IRX6: variants seen among roughly 807,000 people sequenced by gnomAD.
IRX6 encodes iroquois homeobox 6, also known as iroquois-class homeodomain protein IRX-6.
Under a neutral mutation model 47.7 loss-of-function variants are expected in IRX6, and 46 were observed. That is an observed-to-expected ratio of 0.96 (90% CI 0.76 to 1.23). IRX6 has a LOEUF of 1.23. Ranked by LOEUF, IRX6 falls within the 50% of genes most tolerant of loss-of-function variation. The pLI is 0.00. For missense variants in IRX6, 722 were observed against 588.0 expected (o/e 1.23, Z -2.36); for synonymous variants, 265 against 246.2 (o/e 1.08, Z -0.72).
In IRX6 at chr16:55,330,405, G is replaced by C; in HGVS notation, c.*100G>C. On this transcript the variant is annotated 3_prime_UTR_variant, in exon 6 of 6. Transcript: ENST00000290552. ...TGCCAGACCTTGCCAGGGACCAGGA[G>C]CTCTCACTTTGCCTAAGAGACAGAC... 1 of 1,182,304 alleles carries C rather than the reference G, an allele frequency of 8.5e-7. No homozygotes were observed. The highest frequency in any genetic ancestry group is 1.3e-6 in the Non-Finnish European group (1 of 786,946). 73.2% of individuals were successfully genotyped at this position (1,182,304 alleles called of 1,614,324 possible).
rs1366529201 is a variant in IRX6 at position 55,329,054 on chromosome 16, C to G, written c.1076C>G (p.Thr359Arg). 6.2e-7 allele frequency: 1 copy of G among 1,614,072 alleles called. No individual in the cohort carries two copies. Among genetic ancestry groups the G allele is most frequent in the South Asian group, 1.1e-5 (1 of 91,078 alleles). Residue 359 changes from threonine to arginine, a missense_variant, in exon 5 of 6, where the codon ACA becomes AGA. Thr to Arg is a moderately conservative substitution (Grantham distance 71). Coordinates refer to ENST00000290552, the MANE Select transcript of IRX6 (RefSeq NM_024335.3). ...PRIWSLAHTA[T>R]ASAVEGAPPA... ...ATCTGGTCTCTGGCGCACACCGCGA[C>G]AGCCAGCGCTGTTGAAGGTGCACCC...
Position 55,326,342 on chromosome 16 carries a change from G to T in IRX6, c.52G>T (p.Ala18Ser). ...CTCTTTCTTGCCCCTATAGTTTCTG[G>T]CGTCGGCAAGTTCCAGCACCACATG... Reference protein sequence around the residue: ...HPYRGASQFLASASSSTTCCE... With the variant: ...HPYRGASQFLSSASSSTTCCE... Residue 18 changes from alanine (A) to serine (S), a missense_variant, in exon 2 of 6, where the codon GCG becomes TCG. Transcript: ENST00000290552. 1.2e-6 allele frequency: 2 copies of T among 1,612,588 alleles called. No homozygotes were observed. The highest frequency in any genetic ancestry group is 1.1e-5 in the South Asian group (1 of 90,938).
Position 55,328,681 on chromosome 16 carries a change from C to G in IRX6, c.722-19C>G, listed in dbSNP as rs369498775. 3 of 1,609,642 alleles carry G rather than the reference C, an allele frequency of 1.9e-6. No individual in the cohort carries two copies. The highest frequency in any genetic ancestry group is 2.2e-5 in the East Asian group (1 of 44,824). Reference sequence around the variant, plus strand: ...CTTGGGCCCTGGGGCTTTTCTCACTCGCTCTTGATTTCCTGCAGAAGTTAC... The same window carrying G: ...CTTGGGCCCTGGGGCTTTTCTCACTGGCTCTTGATTTCCTGCAGAAGTTAC... On this transcript the variant is annotated intron_variant, in intron 4 of 5. Transcript: ENST00000290552.
chr16:55,330,485 G>T lies in IRX6; in HGVS notation c.*180G>T. The T allele has an allele frequency of 1.5e-6, 1 of 657,796 alleles. No homozygotes were observed. The highest frequency in any genetic ancestry group is 1.8e-5 in the South Asian group (1 of 54,432). 40.7% of individuals were successfully genotyped at this position (657,796 alleles called of 1,614,324 possible). ...GCACGCAGAGCTGGGGTGGTGGGCCGACTTGAACCTTAGCAGTCCCCACGG... is the reference window on the plus strand; with the variant it reads ...GCACGCAGAGCTGGGGTGGTGGGCCTACTTGAACCTTAGCAGTCCCCACGG... On this transcript the variant is annotated 3_prime_UTR_variant, in exon 6 of 6. Transcript: ENST00000290552.
chr16:55,328,723 CG>C lies in IRX6; in HGVS notation c.750del (p.Leu251SerfsTer3). On this transcript the variant is annotated frameshift_variant, in exon 5 of 6. Coordinates refer to ENST00000290552, the MANE Select transcript of IRX6 (RefSeq NM_024335.3). LOFTEE classifies it high-confidence loss of function. ...AGAAGTTACTGCTAGCCAGGAGGCC[CG>C]GGGGCTCCGGCTGAGTGACCTGGAA... ...TKEVTASQEA[R>X]GLRLSDLEDL... 7 of 1,613,126 alleles carry C rather than the reference CG, an allele frequency of 4.3e-6. No individual in the cohort carries two copies. Among genetic ancestry groups the C allele is most frequent in the Non-Finnish European group, 5.9e-6 (7 of 1,179,970 alleles).
At position 55,325,986 on chromosome 16, in the gene IRX6, G is replaced by A. The variant is rs377703096; in HGVS notation, c.46-350G>A. Reference sequence around the variant, plus strand: ...GTCTCTAAGGCCACCTTCTAGCTCCGCCTTTGCAGGATCCTGGGAGGAGGG... The same window carrying A: ...GTCTCTAAGGCCACCTTCTAGCTCCACCTTTGCAGGATCCTGGGAGGAGGG... On this transcript the variant is annotated intron_variant, in intron 1 of 5. Transcript: ENST00000290552. The A allele has an allele frequency of 3.0e-4, 79 of 259,952 alleles. 1 individual carries two copies. Among genetic ancestry groups the A allele is most frequent in the African/African-American group, 1.6e-3 (70 of 44,786 alleles). 16.1% of individuals were successfully genotyped at this position (259,952 alleles called of 1,614,324 possible). A position where few individuals can be genotyped will look rare whatever the true frequency, so the allele number is the denominator to read the frequency against.
chr16:55,325,507 G>T lies in IRX6; in HGVS notation c.45+371G>T, dbSNP rs1381645810. ...GGAAGGAAGGAAGGAAGGAAGGAAGGAAGGAAGGAAGGAAGGAAGGAAGGA... is the reference window on the plus strand; with the variant it reads ...GGAAGGAAGGAAGGAAGGAAGGAAGTAAGGAAGGAAGGAAGGAAGGAAGGA... On this transcript the variant is annotated intron_variant, in intron 1 of 5. Coordinates refer to ENST00000290552, the MANE Select transcript of IRX6 (RefSeq NM_024335.3). Among the ~76,000 whole-genome samples, 15 of 21,562 alleles carry T rather than the reference G, an allele frequency of 7.0e-4. 2 individuals are homozygous for T. The East Asian group carries it at 0.058, about 83-fold the overall frequency. 14.1% of individuals were successfully genotyped at this position (21,562 alleles called of 152,430 possible).
Position 55,327,290 on chromosome 16 carries a change from C to T in IRX6, c.304-6C>T, listed in dbSNP as rs1481256697. 1.9e-6 allele frequency: 3 copies of T among 1,606,398 alleles called. No individual in the cohort carries two copies. The African/African-American group carries it at 4.0e-5, about 21-fold the overall frequency. On this transcript the variant is annotated splice_region_variant and splice_polypyrimidine_tract_variant and intron_variant, in intron 2 of 5. Transcript: ENST00000290552. ...ACTCCTGAATTCTCTTTTCCTCTCC[C>T]TCTAGAATCCACAGTATGAATTTAA...
In IRX6 at chr16:55,327,825, G is replaced by A. The variant is rs778667581; in HGVS notation, c.653G>A (p.Gly218Asp). Residue 218 changes from glycine to aspartate, a missense_variant, in exon 4 of 6, where the codon GGT becomes GAT. Gly to Asp is a moderately conservative substitution (Grantham distance 94). Coordinates refer to ENST00000290552, the MANE Select transcript of IRX6 (RefSeq NM_024335.3). The part of the protein sequence containing the change: ...NKMTWAPKNK[G>D]GEERKAEGGE... ...ATGACATGGGCGCCCAAGAACAAAG[G>A]TGGGGAGGAGAGGAAGGCAGAGGGA... 11 of 1,613,150 alleles carry A rather than the reference G, an allele frequency of 6.8e-6. No individual in the cohort carries two copies. The highest frequency in any genetic ancestry group is 8.5e-6 in the Non-Finnish European group (10 of 1,179,832).
At chr16:55,329,653 A>C (rs31089) in intron 5 of IRX6, among the ~76,000 whole-genome samples, 1 of 151,968 alleles carries the variant, frequency 6.6e-6, no homozygotes, top group Non-Finnish European at 1.5e-5. Context: ...TCTAGCACAA[A>C]CGCCCTTGTC....
In IRX6 at chr16:55,324,849, C is replaced by T. The variant is rs1391249988; in HGVS notation, c.-243C>T. On this transcript the variant is annotated 5_prime_UTR_variant, in exon 1 of 6. Coordinates refer to ENST00000290552, the MANE Select transcript of IRX6 (RefSeq NM_024335.3). This position sits in a 1 kb window ranked among gnomAD's most constrained non-coding sequence, Gnocchi z 4.4. ...ACCCGCATCTTCTTCCTTCCCCTGC[C>T]CATCCATGGGCCCTTCTGTCTTCCG... 1.7e-6 allele frequency: 1 copy of T among 577,210 alleles called. No homozygotes were observed. Among genetic ancestry groups the T allele is most frequent in the African/African-American group, 1.9e-5 (1 of 52,956 alleles). The allele number at this position is 577,210 out of a possible 1,614,324, so 35.8% of individuals were successfully genotyped here. A position where few individuals can be genotyped will look rare whatever the true frequency, so the allele number is the denominator to read the frequency against.
chr16:55,330,317 C>A lies in IRX6; in HGVS notation c.*12C>A, dbSNP rs758437166. On this transcript the variant is annotated 3_prime_UTR_variant, in exon 6 of 6. Coordinates refer to ENST00000290552, the MANE Select transcript of IRX6 (RefSeq NM_024335.3). ...TCTCAGCAGGTTAGCGCAATGGCTG[C>A]GATTTGCGAAAGAATCTTGGAAATG... The A allele has an allele frequency of 1.2e-6, 2 of 1,613,372 alleles. No individual in the cohort carries two copies. The highest frequency in any genetic ancestry group is 1.7e-6 in the Non-Finnish European group (2 of 1,179,290).
In IRX6 at chr16:55,325,064, A is replaced by G. The variant is rs1407331327; in HGVS notation, c.-28A>G. 1 of 1,613,334 alleles carries G rather than the reference A, an allele frequency of 6.2e-7. No homozygotes were observed. The highest frequency in any genetic ancestry group is 1.3e-5 in the African/African-American group (1 of 75,048). On this transcript the variant is annotated 5_prime_UTR_variant, in exon 1 of 6. Transcript: ENST00000290552. ...GGCTGAGACGGGAACTCGACAGGGAAGAGAGAGACGGGCCAGGGACAGCCA... is the reference window on the plus strand; with the variant it reads ...GGCTGAGACGGGAACTCGACAGGGAGGAGAGAGACGGGCCAGGGACAGCCA...
In IRX6 at chr16:55,329,034, G is replaced by T; in HGVS notation, c.1056G>T (p.Trp352Cys). 1 of 1,613,952 alleles carries T rather than the reference G, an allele frequency of 6.2e-7. No homozygotes were observed. Among genetic ancestry groups the T allele is most frequent in the Admixed American group, 1.7e-5 (1 of 60,028 alleles). ...HYPCLEKPRIWSLAHTATASA... is the reference protein window; with the variant it reads ...HYPCLEKPRICSLAHTATASA... ...CATGCTTGGAGAAACCGCGCATCTG[G>T]TCTCTGGCGCACACCGCGACAGCCA... The change falls in exon 5 of 6, where the codon TGG becomes TGT. Residue 352 changes from tryptophan (W) to cysteine (C), a missense_variant. Transcript: ENST00000290552.
At position 55,327,302 on chromosome 16, in the gene IRX6, C is replaced by T. The variant is rs199930932; in HGVS notation, c.310C>T (p.Gln104Ter). 167 of 1,611,494 alleles carry T rather than the reference C, an allele frequency of 1.0e-4. No homozygotes were observed. The highest frequency in any genetic ancestry group is 1.3e-4 in the Non-Finnish European group (153 of 1,177,752). The change falls in exon 3 of 6, where the codon CAG (glutamine) becomes TAG (stop). Residue 104 changes from glutamine (Q) to a stop codon, truncating the protein, a stop_gained. Coordinates refer to ENST00000290552, the MANE Select transcript of IRX6 (RefSeq NM_024335.3). LOFTEE classifies it high-confidence loss of function. ...TCTTTTCCTCTCCCTCTAGAATCCA[C>T]AGTATGAATTTAAGGAGGCTGCAGG... ...PPSLYGALNP[Q>*]YEFKEAAGSF...
chr16:55,327,898 T>G lies in IRX6; in HGVS notation c.721+5T>G, dbSNP rs200784877. 1.9e-4 allele frequency: 308 copies of G among 1,585,622 alleles called. No individual in the cohort carries two copies. Among genetic ancestry groups the G allele is most frequent in the Non-Finnish European group, 2.3e-4 (274 of 1,166,082 alleles). On this transcript the variant is annotated splice_donor_5th_base_variant and intron_variant, in intron 4 of 5. Coordinates refer to ENST00000290552, the MANE Select transcript of IRX6 (RefSeq NM_024335.3). The stretch of plus-strand genomic sequence containing the variant: ...GCCTAACTGCTGACACCAAAGGTAC[T>G]GAAAACGTTCACCACCCCACCTTAA...
At position 55,328,687 on chromosome 16, in the gene IRX6, T is replaced by C. The variant is rs759993747; in HGVS notation, c.722-13T>C. ...CCCTGGGGCTTTTCTCACTCGCTCT[T>C]GATTTCCTGCAGAAGTTACTGCTAG... On this transcript the variant is annotated splice_polypyrimidine_tract_variant and intron_variant, in intron 4 of 5. Coordinates refer to ENST00000290552, the MANE Select transcript of IRX6 (RefSeq NM_024335.3). 6.2e-7 allele frequency: 1 copy of C among 1,611,458 alleles called. No individual in the cohort carries two copies.
chr16:55,329,057 C>T lies in IRX6; in HGVS notation c.1079C>T (p.Ala360Val), dbSNP rs1384519258. 1 of 1,614,092 alleles carries T rather than the reference C, an allele frequency of 6.2e-7. No homozygotes were observed. The highest frequency in any genetic ancestry group is 1.1e-5 in the South Asian group (1 of 91,078). The change falls in exon 5 of 6, where the codon GCC becomes GTC. Residue 360 changes from alanine to valine, a missense_variant. By Grantham distance (64) the Ala-to-Val change is moderately conservative (BLOSUM62 0). Coordinates refer to ENST00000290552, the MANE Select transcript of IRX6 (RefSeq NM_024335.3). ...RIWSLAHTAT[A>V]SAVEGAPPAR... ...TGGTCTCTGGCGCACACCGCGACAG[C>T]CAGCGCTGTTGAAGGTGCACCCCCA...
At position 55,327,788 on chromosome 16, in the gene IRX6, A is replaced by C. The variant is rs530823222; in HGVS notation, c.616A>C (p.Lys206Gln). The change falls in exon 4 of 6, where the codon AAA becomes CAA. Residue 206 changes from lysine (K) to glutamine (Q), a missense_variant. By Grantham distance (53) the Lys-to-Gln change is moderately conservative. Transcript: ENST00000290552. ...CGCCAACGCACGCCGGCGCCTCAAG[A>C]AAGAGAACAAAATGACATGGGCGCC... ...WFANARRRLK[K>Q]ENKMTWAPKN... The C allele has an allele frequency of 1.1e-5, 17 of 1,612,620 alleles. No individual in the cohort carries two copies. Among genetic ancestry groups the C allele is most frequent in the African/African-American group, 4.0e-5 (3 of 74,950 alleles).
Sources: allele counts gnomAD v4.1 joint callset (sites outside exome capture counted in the v4.1 genomes callset), GRCh38; gene constraint gnomAD v4.1.1; non-coding constraint Gnocchi (gnomAD v3.1); transcripts MANE v1.5; gene names NCBI Gene and HGNC (gene_info 2026-07-23, HGNC 2026-07-21).